Variants in PPARG observed in about 807,000 individuals in gnomAD.
The protein encoded by PPARG is peroxisome proliferator-activated receptor gamma.
PPARG carries 17 observed loss-of-function variants against 39.2 expected under a neutral mutation model. That is an observed-to-expected ratio of 0.43 (90% CI 0.30 to 0.65). The LOEUF (loss-of-function observed/expected upper bound fraction) is 0.65. Ranked by LOEUF, PPARG falls within the 30% of genes least tolerant of loss-of-function variation. PPARG has a pLI of 0.13. For missense variants in PPARG, 406 were observed against 585.9 expected (o/e 0.69, Z 3.17); for synonymous variants, 223 against 215.7 (o/e 1.03, Z -0.30).
chr3:12,310,548 C>G (rs1359102195), intron 1 of PPARG, among the ~76,000 whole-genome samples: 2 of 88,400 alleles, frequency 2.3e-5, no homozygotes, highest in East Asian at 6.0e-4. Context: ...ACTGCAAGCT[C>G]CGCCTCCTGG....
intron 2 of PPARG, among the ~76,000 whole-genome samples, chr3:12,361,091 T>C (rs193194978): frequency 6.6e-6 from 1 of 152,334 alleles, no homozygotes; most frequent in African/African-American, 2.4e-5. Context: ...TTTTTCACGT[T>C]AGCCATTCTG....
intron 6 of PPARG, among the ~76,000 whole-genome samples, chr3:12,412,104 C>T (rs545996315): frequency 1.3e-5 from 2 of 152,262 alleles, no homozygotes; most frequent in East Asian, 3.9e-4. Context: ...ACCCAGAATA[C>T]CCTGTGCTTT....
intron 2 of PPARG, among the ~76,000 whole-genome samples, chr3:12,363,637 A>T (rs893993459): frequency 6.6e-6 from 1 of 152,130 alleles, no homozygotes; most frequent in Admixed American, 6.5e-5. Context: ...TAAGTCCTTT[A>T]TAGTGTTTGA....
At chr3:12,296,021 G>A (rs1231670790) in intron 1 of PPARG, among the ~76,000 whole-genome samples, 1 of 151,562 alleles carries the variant, frequency 6.6e-6, no homozygotes, top group Non-Finnish European at 1.5e-5. Context: ...GGCAGCTGAG[G>A]TAGGCAGATC....
chr3:12,372,400 C>A (rs1398597285), intron 2 of PPARG, among the ~76,000 whole-genome samples: 1 of 152,166 alleles, frequency 6.6e-6, no homozygotes, highest in African/African-American at 2.4e-5. Context: ...TACTTTTAGG[C>A]AAGTTACTTA....
intron 2 of PPARG, among the ~76,000 whole-genome samples, chr3:12,359,088 A>G (rs1262319310): frequency 6.6e-6 from 1 of 152,188 alleles, no homozygotes. Context: ...AGTACTTACT[A>G]TCTCTATCAC....
At chr3:12,349,426 T>C (rs2048417485) in intron 2 of PPARG, among the ~76,000 whole-genome samples, 1 of 152,240 alleles carries the variant, frequency 6.6e-6, no homozygotes, top group South Asian at 2.1e-4. Context: ...GATTAAATAA[T>C]CCACATTGTA....
chr3:12,291,747 A>G (rs1447080247), intron 1 of PPARG, among the ~76,000 whole-genome samples: 3 of 152,198 alleles, frequency 2.0e-5, no homozygotes, highest in Admixed American at 6.5e-5. Context: ...CTCTTCAACA[A>G]TAAGTACACA....
intron 2 of PPARG, among the ~76,000 whole-genome samples, chr3:12,333,726 T>G (rs1383864030): frequency 6.6e-6 from 1 of 152,234 alleles, no homozygotes; most frequent in African/African-American, 2.4e-5. Flanking sequence ...TGCTCGTTCA[T>G]TCAGTCGTCA....
chr3:12,363,805 C>T (rs1011346762), intron 2 of PPARG, among the ~76,000 whole-genome samples: 2 of 152,172 alleles, frequency 1.3e-5, no homozygotes, highest in Non-Finnish European at 2.9e-5. Context: ...AAAACCAAAA[C>T]GTGGAAGGGG....
At chr3:12,387,336 A>G (rs1386900484) in intron 4 of PPARG, among the ~76,000 whole-genome samples, 1 of 152,212 alleles carries the variant, frequency 6.6e-6, no homozygotes, top group African/African-American at 2.4e-5. Context: ...ACTTCCACCA[A>G]CAGTGTAAAA....
intron 5 of PPARG, among the ~76,000 whole-genome samples, chr3:12,393,563 G>A (rs2050154617): frequency 6.6e-6 from 1 of 152,096 alleles, no homozygotes; most frequent in Non-Finnish European, 1.5e-5. Context: ...AATTTTAGGT[G>A]TAACTTGATA....
At chr3:12,424,456 A>G (rs904401499) in intron 7 of PPARG, among the ~76,000 whole-genome samples, 3 of 152,128 alleles carry the variant, frequency 2.0e-5, no homozygotes, top group Non-Finnish European at 2.9e-5. Context: ...TCCCCACACC[A>G]GCAGTCCTGG....
chr3:12,399,096 C>G (rs1392082978), intron 5 of PPARG, among the ~76,000 whole-genome samples: 1 of 152,190 alleles, frequency 6.6e-6, no homozygotes, highest in East Asian at 1.9e-4. Context: ...TCCATCCTTT[C>G]CCCCAGCCCC....
At chr3:12,300,469 A>G (rs565122787) in intron 1 of PPARG, among the ~76,000 whole-genome samples, 3 of 152,304 alleles carry the variant, frequency 2.0e-5, no homozygotes, top group South Asian at 2.1e-4. Context: ...ACCAAGCACA[A>G]TACAGCCACA....
At chr3:12,339,696 A>C (rs2048120473) in intron 2 of PPARG, among the ~76,000 whole-genome samples, 1 of 152,010 alleles carries the variant, frequency 6.6e-6, no homozygotes, top group Non-Finnish European at 1.5e-5. Flanking sequence ...AAGTCACTTA[A>C]CCTCTTTTTG....
chr3:12,402,947 T>C (rs1435175777), intron 5 of PPARG, among the ~76,000 whole-genome samples: 1 of 152,216 alleles, frequency 6.6e-6, no homozygotes, highest in Non-Finnish European at 1.5e-5. Context: ...CTGTATACTT[T>C]AGATCATCTC....
At chr3:12,288,715 GC>G (rs2061384598), upstream of PPARG, 1 of 152,300 alleles carries the variant, frequency 6.6e-6, no homozygotes, top group South Asian at 2.1e-4. Flanking sequence ...GACGCGTTGT[GC>G]TGGCCCTACG....
chr3:12,419,601 T>G (rs1273775670), intron 7 of PPARG, among the ~76,000 whole-genome samples: 1 of 152,066 alleles, frequency 6.6e-6, no homozygotes, highest in Non-Finnish European at 1.5e-5. Context: ...CCCTAGTAGC[T>G]GGGATTACAG....
Sources: gnomAD v4.1 joint callset for allele counts (sites outside exome capture counted in the v4.1 genomes callset) on GRCh38, gnomAD v4.1.1 for gene constraint, MANE v1.5 for transcripts, NCBI Gene and HGNC (gene_info 2026-07-23, HGNC 2026-07-21) for gene names.